Variants in C2orf92 observed in about 807,000 individuals in gnomAD.
C2orf92 encodes the protein uncharacterized protein C2orf92.
chr2:97,695,553 C>T (rs1676279919), intron 5 of C2orf92, among the ~76,000 whole-genome samples: 1 of 152,096 alleles, frequency 6.6e-6, no homozygotes, highest in South Asian at 2.1e-4. Flanking sequence ...TTACCTTCAC[C>T]CCTGAATAAT....
chr2:97,686,172 T>C (rs954871431), intron 3 of C2orf92, among the ~76,000 whole-genome samples: 2 of 152,062 alleles, frequency 1.3e-5, no homozygotes, highest in Non-Finnish European at 2.9e-5. Flanking sequence ...CCATAGAGGG[T>C]GAAAGAGAGA....
At chr2:97,686,622 T>A (rs1675972478) in intron 3 of C2orf92, among the ~76,000 whole-genome samples, 1 of 152,146 alleles carries the variant, frequency 6.6e-6, no homozygotes, top group Non-Finnish European at 1.5e-5. Flanking sequence ...GGTTTCACCA[T>A]GTTGGCCAGG....
intron 4 of C2orf92, among the ~76,000 whole-genome samples, chr2:97,689,999 C>T (rs1011983779): frequency 2.6e-5 from 4 of 152,040 alleles, no homozygotes; most frequent in Non-Finnish European, 4.4e-5. Flanking sequence ...GCCATGGTGG[C>T]TCATGCCTGT....
intron 3 of C2orf92, among the ~76,000 whole-genome samples, chr2:97,682,697 T>C (rs1675817132): frequency 6.6e-6 from 1 of 151,442 alleles, no homozygotes; most frequent in Admixed American, 6.6e-5. Context: ...ATTAATATAA[T>C]GAAGGAGAAA....
At chr2:97,688,665 C>T (rs1237719944) in intron 3 of C2orf92, among the ~76,000 whole-genome samples, 2 of 152,072 alleles carry the variant, frequency 1.3e-5, no homozygotes, top group Non-Finnish European at 2.9e-5. Context: ...ATATCTTTAG[C>T]GGGCAGTGTT....
intron 6 of C2orf92, among the ~76,000 whole-genome samples, chr2:97,700,189 C>T (rs1204801139): frequency 6.6e-6 from 1 of 152,170 alleles, no homozygotes; most frequent in East Asian, 1.9e-4. Context: ...CCAGCCTGTG[C>T]TCAGTGGTAT....
At position 97,678,079 on chromosome 2, in the gene C2orf92, A is replaced by C. The variant is rs548450563; in HGVS notation, c.232+2151A>C. 5.3e-5 allele frequency among the ~76,000 whole-genome samples: 8 copies of C among 152,166 alleles called. No homozygotes were observed. The East Asian group carries it at 1.5e-3, about 29-fold the overall frequency. ...GCAGGGCGTGGTGGTGGGTGCCTGT[A>C]GTCCCACCTACTCGGGAGGCTGAGG... On this transcript the variant is annotated intron_variant, in intron 3 of 7. Coordinates refer to ENST00000627399, the MANE Select transcript of C2orf92 (RefSeq NM_001351368.2).
chr2:97,667,891 T>C (rs529623793), upstream of C2orf92: 2 of 152,288 alleles, frequency 1.3e-5, no homozygotes, highest in African/African-American at 2.4e-5. Flanking sequence ...AGAGAGTCCA[T>C]TGGTGAGAGA....
upstream of C2orf92, among the ~76,000 whole-genome samples, chr2:97,667,426 C>A (rs1259552590): frequency 2.1e-5 from 3 of 146,108 alleles, no homozygotes; most frequent in Admixed American, 6.8e-5. Flanking sequence ...CCATGCCCAG[C>A]TAAGTTTTTT....
chr2:97,683,505 A>T (rs964258325), intron 3 of C2orf92, among the ~76,000 whole-genome samples: 2 of 151,274 alleles, frequency 1.3e-5, no homozygotes, highest in African/African-American at 4.9e-5. Flanking sequence ...TTTGAGATCC[A>T]GCCTGGGCAA....
At chr2:97,694,371 C>A (rs989245688) in intron 5 of C2orf92, 1 of 150,974 alleles carries the variant, frequency 6.6e-6, no homozygotes. Context: ...TCCCCAGTAG[C>A]TGGGACTACA....
At chr2:97,673,727 A>G in intron 1 of C2orf92, among the ~76,000 whole-genome samples, 1 of 152,108 alleles carries the variant, frequency 6.6e-6, no homozygotes, top group Non-Finnish European at 1.5e-5. Flanking sequence ...CCCGCTATCT[A>G]GATGGCTCGG....
In C2orf92 at chr2:97,695,544, T is replaced by C. The variant is rs762571462; in HGVS notation, c.404-3482T>C. ...GAATAAAAAATGCCCCTGAATAATT[T>C]ACCTTCACCCCTGAATAATCATTGT... is the stretch of plus-strand genomic sequence containing the variant. On this transcript the variant is annotated intron_variant, in intron 5 of 7. Transcript: ENST00000627399. 3.9e-5 allele frequency among the ~76,000 whole-genome samples: 6 copies of C among 152,204 alleles called. 1 individual carries two copies. The highest frequency in any genetic ancestry group is 7.3e-5 in the Non-Finnish European group (5 of 68,032).
At chr2:97,689,524 T>A (rs1261320819) in intron 4 of C2orf92, among the ~76,000 whole-genome samples, 1 of 152,114 alleles carries the variant, frequency 6.6e-6, no homozygotes, top group African/African-American at 2.4e-5. Context: ...ATGGGAAAAA[T>A]TTAGCACTTT....
intron 3 of C2orf92, among the ~76,000 whole-genome samples, chr2:97,679,348 A>G (rs1036662110): frequency 1.3e-5 from 2 of 152,202 alleles, no homozygotes; most frequent in Non-Finnish European, 2.9e-5. Context: ...CTGTAATAAC[A>G]ACAATATAAA....
Position 97,699,515 on chromosome 2 carries a change from G to A in C2orf92, c.514+379G>A, listed in dbSNP as rs183540903. ...TACTCGGGAGGCTGAGGCAGTTCAA[G>A]AATCACTTGAACCCAGTAGGGGGAG... On this transcript the variant is annotated intron_variant, in intron 6 of 7. Transcript: ENST00000627399. Among the ~76,000 whole-genome samples, 494 of 152,196 alleles carry A rather than the reference G, an allele frequency of 3.2e-3. 4 individuals carry two copies. The highest frequency in any genetic ancestry group is 0.011 in the African/African-American group (447 of 41,530).
intron 3 of C2orf92, among the ~76,000 whole-genome samples, chr2:97,681,908 G>A (rs1675790256): frequency 6.6e-6 from 1 of 151,492 alleles, no homozygotes; most frequent in Non-Finnish European, 1.5e-5. Context: ...TACACCTAAA[G>A]GAACTAGAAA....
At chr2:97,674,751 G>C (rs912667182) in intron 2 of C2orf92, among the ~76,000 whole-genome samples, 194 bp downstream of exon 2, 8 of 152,122 alleles carry the variant, frequency 5.3e-5, no homozygotes, top group Admixed American at 1.3e-4. Context: ...GAGTCTATAG[G>C]CTTCAGTGTG....
At chr2:97,684,056 G>T (rs2104567562) in intron 3 of C2orf92, among the ~76,000 whole-genome samples, 1 of 129,246 alleles carries the variant, frequency 7.7e-6, no homozygotes, top group East Asian at 2.2e-4. Context: ...TTTTTTTTGA[G>T]ACGGAGTCTC....
Sources: allele counts gnomAD v4.1 joint callset (sites outside exome capture counted in the v4.1 genomes callset), GRCh38; gene constraint gnomAD v4.1.1; transcripts MANE v1.5; gene names NCBI Gene and HGNC (gene_info 2026-07-23, HGNC 2026-07-21).